The following CAD variants were observed in gnomAD, a reference collection of about 807,000 sequenced individuals.
CAD encodes the protein multifunctional protein CAD.
Under a neutral mutation model 237.2 loss-of-function variants are expected in CAD, and 81 were observed. The ratio of observed to expected loss-of-function variants is 0.34; its 90% confidence interval spans 0.29 to 0.41. CAD has a LOEUF of 0.41. Ranked by LOEUF, CAD falls within the 10% of genes least tolerant of loss-of-function variation. The probability of loss-of-function intolerance (pLI) is 1.00; values close to 1 mark genes in which losing one functional copy is unlikely to be tolerated. For synonymous variants in CAD, 1,196 were observed against 1,162.8 expected (o/e 1.03, Z -0.58); for missense variants, 2,181 against 2,951.7 (o/e 0.74, Z 6.05).
intron 6 of CAD, 118 bp from the exon 7 acceptor site, chr2:27,223,445 A>G: frequency 1.0e-6 from 1 of 975,442 alleles, no homozygotes; most frequent in East Asian, 2.4e-5. Flanking sequence ...AAAAAAAAAA[A>G]ACAAAAAGGA....
chr2:27,237,334 A>G lies in CAD; in HGVS notation c.4397-45A>G, dbSNP rs1471842227. 2.5e-6 allele frequency: 4 copies of G among 1,602,378 alleles called. No homozygotes were observed. Among genetic ancestry groups the G allele is most frequent in the Non-Finnish European group, 3.4e-6 (4 of 1,171,166 alleles). On this transcript the variant is annotated intron_variant, in intron 27 of 43. Coordinates refer to ENST00000264705, the MANE Select transcript of CAD (RefSeq NM_004341.5). The surrounding 1 kb of genome is among the most constrained non-coding windows in gnomAD (Gnocchi z 4.0). ...CCACCATGTCCAGCTCACCCTTCCT[A>G]TTTCTGAATCTTCCTGTAATCTTGC...
rs555842519 is a variant in CAD at position 27,221,311 on chromosome 2, G to A, written c.316G>A (p.Glu106Lys). ...SHWSATRTLHEWLQQHGIPGL... is the reference protein window; with the variant it reads ...SHWSATRTLHKWLQQHGIPGL... ...CTGGAGTGCCACCCGCACCCTGCAT[G>A]AGTGGCTGCAGCAGCATGGCATCCC... The change falls in exon 3 of 44, where the codon GAG (glutamate) becomes AAG (lysine). Residue 106 changes from glutamate (E) to lysine (K), a missense_variant. By Grantham distance (56) the Glu-to-Lys change is moderately conservative. Transcript: ENST00000264705. The A allele has an allele frequency of 1.9e-6, 3 of 1,585,628 alleles. No homozygotes were observed. In the African/African-American group the frequency reaches 4.0e-5, roughly 21 times the overall value.
At chr2:27,224,135 A>T in intron 8 of CAD, 106 bp downstream of exon 8, 1 of 964,090 alleles carries the variant, frequency 1.0e-6, no homozygotes. Flanking sequence ...CTAGGAGGTT[A>T]AGGGTATTGG....
In CAD at chr2:27,233,999, C is replaced by T. The variant is rs1246868890; in HGVS notation, c.3400-9C>T. On this transcript the variant is annotated splice_polypyrimidine_tract_variant and intron_variant, in intron 21 of 43. Transcript: ENST00000264705. This position sits in a 1 kb window ranked among gnomAD's most constrained non-coding sequence, Gnocchi z 6.3. ...GCCCTATGTCCCACTGTCTGTGTCCCCCCGCTAGGAGATTGACGTGGATGC... is the reference window on the plus strand; with the variant it reads ...GCCCTATGTCCCACTGTCTGTGTCCTCCCGCTAGGAGATTGACGTGGATGC... The T allele has an allele frequency of 1.2e-6, 2 of 1,612,268 alleles. No individual in the cohort carries two copies. Among genetic ancestry groups the T allele is most frequent in the Non-Finnish European group, 1.7e-6 (2 of 1,179,022 alleles).
In CAD at chr2:27,232,260, T is replaced by C. The variant is rs1213643195; in HGVS notation, c.2645+36T>C. On this transcript the variant is annotated intron_variant, in intron 17 of 43. Coordinates refer to ENST00000264705, the MANE Select transcript of CAD (RefSeq NM_004341.5). The surrounding 1 kb of genome is among the most constrained non-coding windows in gnomAD (Gnocchi z 4.1). ...GCAATGAGAGCTTCCGGCTGGGAAA[T>C]GTGGGGCAGAACCTTTGTATCAGTG... 6.2e-7 allele frequency: 1 copy of C among 1,609,940 alleles called. No individual in the cohort carries two copies.
Position 27,235,831 on chromosome 2 carries a change from GCACCACTGCA to G in CAD, c.4074+193_4074+202del. ...AGTGAGCTGCGAGTGTGCAGTGAGT[GCACCACTGCA>G]CTCCAGCTTGGGAAACAGTGAGATG... On this transcript the variant is annotated intron_variant, in intron 25 of 43. Coordinates refer to ENST00000264705, the MANE Select transcript of CAD (RefSeq NM_004341.5). This position sits in a 1 kb window ranked among gnomAD's most constrained non-coding sequence, Gnocchi z 5.2. 1 of 536,342 alleles carries G rather than the reference GCACCACTGCA, an allele frequency of 1.9e-6. No individual in the cohort carries two copies. The highest frequency in any genetic ancestry group is 3.3e-6 in the Non-Finnish European group (1 of 303,814). 33.2% of individuals were successfully genotyped at this position (536,342 alleles called of 1,614,324 possible).
rs1558544830 is a variant in CAD at position 27,240,614 on chromosome 2, T to C, written c.5593+253T>C. On this transcript the variant is annotated intron_variant, in intron 35 of 43. Transcript: ENST00000264705. This position sits in a 1 kb window ranked among gnomAD's most constrained non-coding sequence, Gnocchi z 4.6. Reference sequence around the variant, plus strand: ...TGGGATCCCACGGGGCAGCAGAGCGTGGGGTAAATCCAGGTTGTTGGTTGG... The same window carrying C: ...TGGGATCCCACGGGGCAGCAGAGCGCGGGGTAAATCCAGGTTGTTGGTTGG... 3 of 1,543,202 alleles carry C rather than the reference T, an allele frequency of 1.9e-6. No homozygotes were observed. Among genetic ancestry groups the C allele is most frequent in the Admixed American group, 3.9e-5 (2 of 50,712 alleles).
chr2:27,236,878 C>A lies in CAD; in HGVS notation c.4396+48C>A. The A allele has an allele frequency of 1.3e-6, 2 of 1,488,550 alleles. No homozygotes were observed. Among genetic ancestry groups the A allele is most frequent in the Non-Finnish European group, 1.9e-6 (2 of 1,065,506 alleles). 92.2% of individuals were successfully genotyped at this position (1,488,550 alleles called of 1,614,324 possible). ...GCTTCTGAACACTGGCAGCCCCTGG[C>A]ATAGAGACCTGCAGTGTGGTGAAGG... is the stretch of plus-strand genomic sequence containing the variant. On this transcript the variant is annotated intron_variant, in intron 27 of 43. Transcript: ENST00000264705. The surrounding 1 kb of genome is among the most constrained non-coding windows in gnomAD (Gnocchi z 4.1).
In CAD at chr2:27,222,934, C is replaced by G; in HGVS notation, c.706C>G (p.Leu236Val). 6 of 1,614,208 alleles carry G rather than the reference C, an allele frequency of 3.7e-6. No individual in the cohort carries two copies. The highest frequency in any genetic ancestry group is 5.1e-6 in the Non-Finnish European group (6 of 1,180,030). The change falls in exon 6 of 44, where the codon CTG (leucine) becomes GTG (valine). Residue 236 changes from leucine to valine, a missense_variant. Leu to Val is a conservative substitution (Grantham distance 32). This residue lies in a region of CAD where 314 missense variants were observed against 339.4 expected (regional missense o/e 0.93). Transcript: ENST00000264705. ...CTCCTATCCCAGTGTCGTATCCACA[C>G]TGAGCCGTGTTTTATCTGAGCCTAA... is the stretch of plus-strand genomic sequence containing the variant. Reference protein sequence around the residue: ...PASYPSVVSTLSRVLSEPNPR... With the variant: ...PASYPSVVSTVSRVLSEPNPR...
intron 5 of CAD, 60 bp downstream of exon 5, chr2:27,222,720 C>T: frequency 1.3e-6 from 2 of 1,596,580 alleles, no homozygotes; most frequent in Non-Finnish European, 1.7e-6. Context: ...AGATCTATCC[C>T]TTGGTCCAAT....
In CAD at chr2:27,226,938, A is replaced by G; in HGVS notation, c.2263A>G (p.Ile755Val). 6.2e-7 allele frequency: 1 copy of G among 1,614,190 alleles called. No individual in the cohort carries two copies. Residue 755 changes from isoleucine (I) to valine (V), a missense_variant, in exon 15 of 44, where the codon ATT becomes GTT. Physicochemically the swap from Ile to Val is conservative, Grantham distance 29. This residue lies in a region of CAD where 385 missense variants were observed against 535.1 expected (regional missense o/e 0.72). Coordinates refer to ENST00000264705, the MANE Select transcript of CAD (RefSeq NM_004341.5). ...CAAGTTCCTGCGAGTCAGCACAAAG[A>G]TTGGGAGCTGCATGAAGAGCGTTGG... ...LSKFLRVSTK[I>V]GSCMKSVGEV... is the part of the protein sequence containing the mutation.
chr2:27,223,737 G>A lies in CAD; in HGVS notation c.984G>A (p.Leu328=), dbSNP rs1341424635. The A allele has an allele frequency of 3.7e-6, 6 of 1,614,002 alleles. No homozygotes were observed. Among genetic ancestry groups the A allele is most frequent in the Non-Finnish European group, 3.4e-6 (4 of 1,179,992 alleles). Residue 328 remains leucine, a synonymous_variant, in exon 7 of 44, where the codon TTG becomes TTA. Transcript: ENST00000264705. ...GSNEGIVHNS[L]PFFSVQFHPE... ...ATGAAGGCATTGTGCACAACAGCTT[G>A]CCTTTCTTCAGGTGAGCCTGGTTGA...
Position 27,236,043 on chromosome 2 carries a change from G to A in CAD, c.4075-241G>A, listed in dbSNP as rs1160929079. Among the ~76,000 whole-genome samples the A allele has an allele frequency of 1.3e-5, 2 of 152,140 alleles. No individual in the cohort carries two copies. Among genetic ancestry groups the A allele is most frequent in the Non-Finnish European group, 2.9e-5 (2 of 68,020 alleles). On this transcript the variant is annotated intron_variant, in intron 25 of 43. Coordinates refer to ENST00000264705, the MANE Select transcript of CAD (RefSeq NM_004341.5). This position sits in a 1 kb window ranked among gnomAD's most constrained non-coding sequence, Gnocchi z 4.1. Reference sequence around the variant, plus strand: ...TATTTTTCCTTCCAGGATTTTCTCTGTGTACATGTGTGTGAGCTCATACTG... The same window carrying A: ...TATTTTTCCTTCCAGGATTTTCTCTATGTACATGTGTGTGAGCTCATACTG...
rs2148081705 is a variant in CAD, at chr2:27,235,232, C to T, written c.3787-13C>T. On this transcript the variant is annotated splice_polypyrimidine_tract_variant and intron_variant, in intron 23 of 43. Coordinates refer to ENST00000264705, the MANE Select transcript of CAD (RefSeq NM_004341.5). This position sits in a 1 kb window ranked among gnomAD's most constrained non-coding sequence, Gnocchi z 5.2. The stretch of plus-strand genomic sequence containing the variant: ...CACACCTTGGCCCTCTCTCTTCCCT[C>T]CCGCCCCTTTAGGTGCCTCAGTTCT... The T allele has an allele frequency of 1.3e-6, 2 of 1,594,520 alleles. No homozygotes were observed. The highest frequency in any genetic ancestry group is 1.7e-6 in the Non-Finnish European group (2 of 1,169,260).
intron 2 of CAD, among the ~76,000 whole-genome samples, chr2:27,219,633 C>T (rs2148054366): frequency 6.6e-6 from 1 of 151,798 alleles, no homozygotes; most frequent in Admixed American, 6.6e-5. Context: ...TCTTGTTGCT[C>T]AGGTTGGAGT....
chr2:27,226,504 CTT>C lies in CAD; in HGVS notation c.2032-19_2032-18del, dbSNP rs1558532197. 6.2e-7 allele frequency: 1 copy of C among 1,613,600 alleles called. No individual in the cohort carries two copies. The highest frequency in any genetic ancestry group is 1.1e-5 in the South Asian group (1 of 91,046). On this transcript the variant is annotated intron_variant, in intron 13 of 43. Coordinates refer to ENST00000264705, the MANE Select transcript of CAD (RefSeq NM_004341.5). ...TAGACAGGGTCTTCTAGGCCAGTGA[CTT>C]TATTCTCCTTCTTTGCAGTATTACA... is the stretch of plus-strand genomic sequence containing the variant.
rs770255675 is a variant in CAD, at chr2:27,239,259, G to C, written c.5253+27G>C. The C allele has an allele frequency of 7.5e-6, 12 of 1,601,074 alleles. No individual in the cohort carries two copies. Among genetic ancestry groups the C allele is most frequent in the South Asian group, 1.1e-5 (1 of 90,662 alleles). ...TGTGGGGATGAGGCCCAGAGCAGGA[G>C]GGGGGCTCTCCAGCCCTAGGATATG... On this transcript the variant is annotated intron_variant, in intron 32 of 43. Transcript: ENST00000264705. The surrounding 1 kb of genome is among the most constrained non-coding windows in gnomAD (Gnocchi z 4.0).
In CAD at chr2:27,232,114, A is replaced by C; in HGVS notation, c.2535A>C (p.Ala845=). The change falls in exon 17 of 44, where the codon GCA becomes GCC. Residue 845 remains alanine, a synonymous_variant. Coordinates refer to ENST00000264705, the MANE Select transcript of CAD (RefSeq NM_004341.5). This position sits in a 1 kb window ranked among gnomAD's most constrained non-coding sequence, Gnocchi z 4.1. ...WFLHRMKRII[A]HAQLLEQHRG... ...TGCACCGAATGAAGCGTATCATCGC[A>C]CATGCCCAGCTGCTAGAACAACACC... 2.5e-6 allele frequency: 4 copies of C among 1,614,222 alleles called. No individual in the cohort carries two copies. Among genetic ancestry groups the C allele is most frequent in the Non-Finnish European group, 3.4e-6 (4 of 1,180,034 alleles).
chr2:27,220,245 C>T (rs1342365567), intron 2 of CAD, among the ~76,000 whole-genome samples: 1 of 151,982 alleles, frequency 6.6e-6, no homozygotes, highest in Non-Finnish European at 1.5e-5. Context: ...ACGTAAATAG[C>T]AAGAGAGGAA....
Sources: allele counts gnomAD v4.1 joint callset (sites outside exome capture counted in the v4.1 genomes callset), GRCh38; gene constraint gnomAD v4.1.1; regional missense constraint gnomAD v4.1.1; non-coding constraint Gnocchi (gnomAD v3.1); transcripts MANE v1.5; gene names NCBI Gene and HGNC (gene_info 2026-07-23, HGNC 2026-07-21).